DNAJC6: variants seen among roughly 807,000 people sequenced by gnomAD.
DNAJC6 encodes the protein DnaJ heat shock protein family (Hsp40) member C6, also known as auxilin.
A neutral mutation model predicts 110.0 loss-of-function variants in DNAJC6; 34 were observed. The observed-to-expected ratio is 0.31, with a 90% CI of 0.24 to 0.41. The LOEUF is 0.41. Among genes scored for constraint, DNAJC6 ranks in the 10% least tolerant of loss-of-function variants. The probability of loss-of-function intolerance (pLI) is 1.00; values close to 1 mark genes in which losing one functional copy is unlikely to be tolerated. For missense variants in DNAJC6, 1,031 were observed against 1,207.8 expected (o/e 0.85, Z 2.17); for synonymous variants, 406 against 437.2 (o/e 0.93, Z 0.89).
intron 14 of DNAJC6, 41 bp from the exon 15 acceptor site, chr1:65,401,720 A>G: frequency 6.3e-7 from 1 of 1,588,946 alleles, no homozygotes; most frequent in Admixed American, 2.0e-5. Flanking sequence ...ATTCAGCCTC[A>G]AACAACTAAC....
chr1:65,405,830 T>C (rs1646070310), intron 15 of DNAJC6, 40 bp from the exon 16 acceptor site: 1 of 1,548,868 alleles, frequency 6.5e-7, no homozygotes, highest in Non-Finnish European at 8.7e-7. Flanking sequence ...TAGAGGCCAC[T>C]CAAAATAGTT....
rs773917992 is a variant in DNAJC6 at position 65,406,059 on chromosome 1, G to A, written c.2417G>A (p.Arg806Gln). The change falls in exon 16 of 19, where the codon CGA becomes CAA. Residue 806 changes from arginine (R) to glutamine (Q), a missense_variant. Coordinates refer to ENST00000371069, the MANE Select transcript of DNAJC6 (RefSeq NM_001256864.2). ...PSMPHSSPQN[R>Q]PNYNVSFSAM... ...ATGCCCCACTCCTCTCCCCAGAACC[G>A]ACCCAACTACAACGTGAGCTTCTCA... 11 of 1,614,002 alleles carry A rather than the reference G, an allele frequency of 6.8e-6. No homozygotes were observed. The highest frequency in any genetic ancestry group is 3.3e-5 in the Admixed American group (2 of 59,996).
chr1:65,270,988 TA>T (rs749982036), intron 1 of DNAJC6, among the ~76,000 whole-genome samples: 1 of 152,296 alleles, frequency 6.6e-6, no homozygotes, highest in Admixed American at 6.5e-5. Flanking sequence ...AAAATTTTTT[TA>T]AAACATTTTA....
intron 1 of DNAJC6, among the ~76,000 whole-genome samples, chr1:65,324,003 A>G (rs901161832): frequency 2.0e-5 from 3 of 152,190 alleles, no homozygotes; most frequent in Non-Finnish European, 4.4e-5. Flanking sequence ...GGATAACTTG[A>G]TAAGTGTTGG....
intron 12 of DNAJC6, among the ~76,000 whole-genome samples, chr1:65,393,925 T>TTGTACTCTGTACAACTCAACA (rs1191481826): frequency 5.3e-5 from 8 of 152,048 alleles, no homozygotes; most frequent in Non-Finnish European, 1.2e-4. Context: ...TACAGAGTAT[T>TTGTACTCTGTACAACTCAACA]GGTGTTGAGG....
At chr1:65,340,942 C>G (rs558005328) in intron 1 of DNAJC6, among the ~76,000 whole-genome samples, 5 of 152,194 alleles carry the variant, frequency 3.3e-5, no homozygotes, top group Non-Finnish European at 5.9e-5. Context: ...AACAGGCACC[C>G]CAGGCTATTC....
intron 4 of DNAJC6, among the ~76,000 whole-genome samples, chr1:65,375,560 G>A (rs1003160195): frequency 2.6e-5 from 4 of 151,852 alleles, no homozygotes; most frequent in Non-Finnish European, 4.4e-5. Flanking sequence ...CGAGTAACTC[G>A]GACTACAGGC....
chr1:65,326,897 C>G (rs1469410554), intron 1 of DNAJC6, among the ~76,000 whole-genome samples: 1 of 152,154 alleles, frequency 6.6e-6, no homozygotes, highest in African/African-American at 2.4e-5. Context: ...TGCGTCTCAT[C>G]CAAAATTTTA....
intron 17 of DNAJC6, among the ~76,000 whole-genome samples, chr1:65,409,640 T>G (rs1646110145): frequency 6.6e-6 from 1 of 152,198 alleles, no homozygotes. Context: ...AATATTTATG[T>G]ACCTGAGACT....
intron 1 of DNAJC6, among the ~76,000 whole-genome samples, chr1:65,295,365 T>C (rs1644919908): frequency 6.6e-6 from 1 of 152,182 alleles, no homozygotes; most frequent in Non-Finnish European, 1.5e-5. Context: ...TCAACCTCTG[T>C]GTGTCATCTT....
chr1:65,293,228 C>T (rs1195717294), intron 1 of DNAJC6, among the ~76,000 whole-genome samples: 6 of 152,294 alleles, frequency 3.9e-5, no homozygotes, highest in Non-Finnish European at 8.8e-5. Flanking sequence ...CTATGAGGAC[C>T]CTTATCCTGG....
At chr1:65,339,059 A>C (rs188388725) in intron 1 of DNAJC6, among the ~76,000 whole-genome samples, 4 of 152,326 alleles carry the variant, frequency 2.6e-5, no homozygotes, top group African/African-American at 9.6e-5. Flanking sequence ...GACTGTGAGC[A>C]GCTTGATGTC....
intron 1 of DNAJC6, chr1:65,298,811 A>G (rs1452673372): frequency 6.6e-6 from 1 of 152,262 alleles, no homozygotes; most frequent in African/African-American, 2.4e-5. Flanking sequence ...TTCAATTATA[A>G]TTTCTGTAGA....
chr1:65,334,524 G>A (rs974412589), intron 1 of DNAJC6, among the ~76,000 whole-genome samples: 3 of 152,180 alleles, frequency 2.0e-5, no homozygotes, highest in Admixed American at 1.3e-4. Context: ...CAGTTCCCAG[G>A]TTATTCAAGG....
At chr1:65,310,676 A>G (rs1481139876) in intron 1 of DNAJC6, among the ~76,000 whole-genome samples, 2 of 152,198 alleles carry the variant, frequency 1.3e-5, no homozygotes, top group Non-Finnish European at 2.9e-5. Context: ...GTCTTTTATA[A>G]AAGGTTTGGC....
chr1:65,382,685 A>G (rs1239209758), intron 5 of DNAJC6, among the ~76,000 whole-genome samples: 11 of 152,338 alleles, frequency 7.2e-5, no homozygotes, highest in African/African-American at 2.6e-4. Context: ...GTTGTTACTT[A>G]GCCTACATTT....
At chr1:65,298,215 G>A (rs10889537) in intron 1 of DNAJC6, among the ~76,000 whole-genome samples, 97,452 of 151,990 alleles carry the variant, frequency 0.64, 31,446 homozygotes, top group East Asian at 0.79. Context: ...GGATGATTAC[G>A]TTACTTCCAT....
intron 1 of DNAJC6, among the ~76,000 whole-genome samples, chr1:65,273,981 TG>T (rs2101164771): frequency 6.6e-6 from 1 of 152,328 alleles, no homozygotes; most frequent in Non-Finnish European, 1.5e-5. Flanking sequence ...TATTTCAATT[TG>T]TTAATCCTGA....
At chr1:65,330,486 T>G (rs1011916489) in intron 1 of DNAJC6, among the ~76,000 whole-genome samples, 3 of 152,212 alleles carry the variant, frequency 2.0e-5, no homozygotes, top group African/African-American at 7.2e-5. Flanking sequence ...TTTTGTTTTT[T>G]GAGACGGAGT....
Sources: allele counts gnomAD v4.1 joint callset (sites outside exome capture counted in the v4.1 genomes callset), GRCh38; gene constraint gnomAD v4.1.1; transcripts MANE v1.5; gene names NCBI Gene and HGNC (gene_info 2026-07-23, HGNC 2026-07-21).